Variants in PCDHA9 observed in about 807,000 individuals in gnomAD.
The protein encoded by PCDHA9 is protocadherin alpha 9, also known as protocadherin alpha-9.
Under a neutral mutation model 62.0 loss-of-function variants are expected in PCDHA9, and 62 were observed. The observed-to-expected ratio is 1.00, with a 90% confidence interval of 0.81 to 1.23. PCDHA9 has a LOEUF of 1.23. PCDHA9 is among the 50% of genes most tolerant of loss of function. The pLI, the probability that PCDHA9 is intolerant of heterozygous loss-of-function variation, is 0.00. For synonymous variants in PCDHA9, 557 were observed against 567.6 expected (o/e 0.98, Z 0.27); for missense variants, 1,205 against 1,249.8 (o/e 0.96, Z 0.54).
At chr5:140,887,204 C>T (rs1438790748) in intron 1 of PCDHA9, among the ~76,000 whole-genome samples, 7 of 151,828 alleles carry the variant, frequency 4.6e-5, no homozygotes, top group African/African-American at 1.5e-4. Flanking sequence ...TCACGCCATT[C>T]TCCTGCCTCA....
At chr5:140,871,294 T>C in intron 1 of PCDHA9, 1 of 1,613,852 alleles carries the variant, frequency 6.2e-7, no homozygotes, top group Non-Finnish European at 8.5e-7. Context: ...TGAGGGCGCG[T>C]GCGCGCCGGG....
intron 1 of PCDHA9, among the ~76,000 whole-genome samples, chr5:140,921,612 TATC>T (rs2080294560): frequency 6.6e-6 from 1 of 152,158 alleles, no homozygotes; most frequent in Non-Finnish European, 1.5e-5. Flanking sequence ...ATAAGAAAAA[TATC>T]ATCAGATCAT....
At chr5:140,897,762 A>G (rs572488219) in intron 1 of PCDHA9, among the ~76,000 whole-genome samples, 1 of 152,324 alleles carries the variant, frequency 6.6e-6, no homozygotes, top group East Asian at 1.9e-4. Flanking sequence ...AGGAATCGCC[A>G]CACTGACTTC....
intron 1 of PCDHA9, chr5:140,928,776 T>C (rs2085518837): frequency 6.2e-7 from 1 of 1,614,044 alleles, no homozygotes; most frequent in East Asian, 2.2e-5. Flanking sequence ...TTCCCACTGA[T>C]GCAGTTAAGC....
intron 1 of PCDHA9, chr5:140,865,859 A>T (rs1328083716): frequency 1.3e-5 from 2 of 152,318 alleles, no homozygotes; most frequent in East Asian, 3.9e-4. Context: ...CTGCTCAAAC[A>T]TGGTCTCGGC....
intron 1 of PCDHA9, among the ~76,000 whole-genome samples, chr5:140,959,555 T>A (rs538493851): frequency 1.3e-5 from 2 of 152,118 alleles, no homozygotes; most frequent in African/African-American, 4.8e-5. Flanking sequence ...ATAAATAGAA[T>A]CAGTACTAGA....
chr5:140,977,335 A>T (rs1341928835), intron 1 of PCDHA9, among the ~76,000 whole-genome samples: 19 of 152,322 alleles, frequency 1.2e-4, no homozygotes, highest in Admixed American at 1.1e-3. Context: ...GAGGGGAGAG[A>T]CGGTGATGAT....
intron 1 of PCDHA9, chr5:140,876,681 T>C: frequency 2.5e-6 from 4 of 1,614,180 alleles, no homozygotes; most frequent in South Asian, 1.1e-5. Flanking sequence ...CCTACAAGAA[T>C]TACTACTCGT....
intron 1 of PCDHA9, among the ~76,000 whole-genome samples, chr5:140,959,030 G>A (rs1303090530): frequency 6.6e-6 from 1 of 151,776 alleles, no homozygotes; most frequent in African/African-American, 2.4e-5. Flanking sequence ...GCTTTATCAT[G>A]GGTATGTATG....
At chr5:140,883,844 G>T (rs1404353270) in intron 1 of PCDHA9, 10 of 1,612,718 alleles carry the variant, frequency 6.2e-6, no homozygotes, top group South Asian at 1.1e-5. Flanking sequence ...GTTGGACCAC[G>T]AGGAGCTGGA....
At chr5:140,925,124 A>AGGAAGGAAGGAAGG (rs1554202565) in intron 1 of PCDHA9, among the ~76,000 whole-genome samples, 2 of 151,856 alleles carry the variant, frequency 1.3e-5, no homozygotes, top group African/African-American at 2.4e-5. Context: ...GAAGGAAGGA[A>AGGAAGGAAGGAAGG]AAAAAATTTC....
chr5:140,983,746 T>A (rs1206745225), intron 3 of PCDHA9, among the ~76,000 whole-genome samples: 2 of 152,228 alleles, frequency 1.3e-5, no homozygotes, highest in East Asian at 3.8e-4. Flanking sequence ...CTTGCAATAA[T>A]CCATTCAAAT....
intron 1 of PCDHA9, chr5:140,857,981 C>G (rs377577023): frequency 6.3e-7 from 1 of 1,596,978 alleles, no homozygotes; most frequent in Non-Finnish European, 8.6e-7. Flanking sequence ...GCCACGCCAG[C>G]GCCTACTGGT....
intron 1 of PCDHA9, among the ~76,000 whole-genome samples, chr5:140,958,893 A>G (rs1332305633): frequency 2.6e-5 from 4 of 152,002 alleles, no homozygotes; most frequent in African/African-American, 9.7e-5. Flanking sequence ...TAGCTATATA[A>G]TAGATACAGA....
At chr5:140,884,519 T>G in intron 1 of PCDHA9, 1 of 1,614,042 alleles carries the variant, frequency 6.2e-7, no homozygotes, top group Non-Finnish European at 8.5e-7. Context: ...TTGGTCGTAC[T>G]CGCAGCAGAG....
At position 140,900,569 on chromosome 5, in the gene PCDHA9, A is replaced by AC. The variant is rs201845192; in HGVS notation, c.2394+49682dup. 8.0e-3 allele frequency among the ~76,000 whole-genome samples: 1,218 copies of AC among 152,298 alleles called. 6 individuals carry two copies. Among genetic ancestry groups the AC allele is most frequent in the African/African-American group, 0.019 (786 of 41,566 alleles). On this transcript the variant is annotated intron_variant, in intron 1 of 3. Coordinates refer to ENST00000532602, the MANE Select transcript of PCDHA9 (RefSeq NM_031857.2). The stretch of plus-strand genomic sequence containing the variant: ...TGGGATTACAGGCGTGAGCCACGGC[A>AC]CCGGCCCATTTTCTTTACCCGTTCA...
intron 1 of PCDHA9, among the ~76,000 whole-genome samples, chr5:140,940,236 A>G (rs1487572447): frequency 1.3e-5 from 2 of 152,200 alleles, no homozygotes; most frequent in East Asian, 3.8e-4. Flanking sequence ...TTGGTACATT[A>G]AAGTTACCTC....
chr5:141,009,576 T>C (rs2098411921), intron 3 of PCDHA9, 51 bp from the exon 4 acceptor site: 1 of 1,583,566 alleles, frequency 6.3e-7, no homozygotes. Flanking sequence ...CAGTGTGGCA[T>C]CAAGAGCATG....
At chr5:140,951,426 A>T (rs1282737926) in intron 1 of PCDHA9, among the ~76,000 whole-genome samples, 1 of 152,068 alleles carries the variant, frequency 6.6e-6, no homozygotes, top group Non-Finnish European at 1.5e-5. Flanking sequence ...ACAGTTCCAC[A>T]GGCTGTAGGA....
Sources: gnomAD v4.1 joint callset for allele counts (sites outside exome capture counted in the v4.1 genomes callset) on GRCh38, gnomAD v4.1.1 for gene constraint, MANE v1.5 for transcripts, NCBI Gene and HGNC (gene_info 2026-07-23, HGNC 2026-07-21) for gene names.